Variants in LYPD5 observed in about 807,000 individuals in gnomAD.
LYPD5 encodes the protein ly6/PLAUR domain-containing protein 5.
Under a neutral mutation model 19.1 loss-of-function variants are expected in LYPD5, and 21 were observed. The observed-to-expected ratio is 1.10, with a 90% CI of 0.78 to 1.58. The LOEUF is 1.58. Ranked by LOEUF, LYPD5 falls within the 40% of genes most tolerant of loss-of-function variation. LYPD5 has a pLI of 0.00. For missense variants in LYPD5, 287 were observed against 329.8 expected (o/e 0.87, Z 1.00); for synonymous variants, 128 against 142.7 (o/e 0.90, Z 0.74).
upstream of LYPD5, chr19:43,802,552 TCCTCA>T: frequency 2.3e-6 from 1 of 436,190 alleles, no homozygotes; most frequent in Non-Finnish European, 4.0e-6. Flanking sequence ...AACAGGGTGA[TCCTCA>T]GTTGCTGGAG....
upstream of LYPD5, among the ~76,000 whole-genome samples, chr19:43,803,382 G>A (rs951784697): frequency 6.6e-6 from 1 of 152,234 alleles, no homozygotes; most frequent in East Asian, 1.9e-4. Context: ...GGTTGGTGCT[G>A]AGGCAGAGAC....
intron 1 of LYPD5, among the ~76,000 whole-genome samples, chr19:43,810,647 T>A (rs188857170): frequency 2.0e-5 from 3 of 148,650 alleles, no homozygotes; most frequent in African/African-American, 7.5e-5. Context: ...TTCTTTCTTT[T>A]TTTTGGACAG....
intron 1 of LYPD5, among the ~76,000 whole-genome samples, chr19:43,820,148 TAC>T (rs1233679512): frequency 1.3e-5 from 2 of 152,154 alleles, no homozygotes; most frequent in African/African-American, 2.4e-5. Context: ...TTTTGACACA[TAC>T]ACACAGTCTG....
rs111461643 is a variant in LYPD5 at position 43,816,032 on chromosome 19, C to CTCTATCTA, written c.-66+4500_-66+4507dup. 2.6e-3 allele frequency among the ~76,000 whole-genome samples: 386 copies of CTCTATCTA among 147,852 alleles called. 1 individual carries two copies. The highest frequency in any genetic ancestry group is 5.4e-3 in the African/African-American group (214 of 39,382). On this transcript the variant is annotated intron_variant, in intron 1 of 4. Transcript: ENST00000414615. ...TCCAGGTGTGAGCCACCACGCCCCACTCTATCTATCTATCTATCTATCTAT... is the reference window on the plus strand; with the variant it reads ...TCCAGGTGTGAGCCACCACGCCCCACTCTATCTATCTATCTATCTATCTATCTATCTAT...
At chr19:43,812,386 ATC>A (rs1395947617) in intron 1 of LYPD5, among the ~76,000 whole-genome samples, 4 of 88,048 alleles carry the variant, frequency 4.5e-5, no homozygotes, top group Non-Finnish European at 7.9e-5. Context: ...TCAATCTATC[ATC>A]TATCTATCCA....
At chr19:43,799,642 C>T in intron 2 of LYPD5, 64 bp downstream of exon 2, 1 of 1,506,910 alleles carries the variant, frequency 6.6e-7, no homozygotes, top group East Asian at 2.3e-5. Flanking sequence ...TCCCTTTCTG[C>T]TCCCCTCTCC....
chr19:43,809,008 T>G (rs1970295386), intron 1 of LYPD5, among the ~76,000 whole-genome samples: 1 of 152,200 alleles, frequency 6.6e-6, no homozygotes, highest in South Asian at 2.1e-4. Context: ...TTGTGGATGA[T>G]TAATGGTAAC....
intron 1 of LYPD5, among the ~76,000 whole-genome samples, chr19:43,815,028 T>C (rs1031748058): frequency 6.6e-6 from 1 of 152,200 alleles, no homozygotes; most frequent in Non-Finnish European, 1.5e-5. Context: ...AATTTTGCTT[T>C]TGTATCTTGC....
chr19:43,799,662 C>T (rs1422371649), intron 2 of LYPD5, 44 bp downstream of exon 2: 5 of 1,564,068 alleles, frequency 3.2e-6, no homozygotes, highest in Admixed American at 2.0e-5. Context: ...CCCCCTTTTT[C>T]CTCCCTAATC....
chr19:43,799,176 C>A, intron 2 of LYPD5, 188 bp from the exon 3 acceptor site: 1 of 633,182 alleles, frequency 1.6e-6, no homozygotes, highest in Non-Finnish European at 2.6e-6. Context: ...CCTCCCTGTG[C>A]GCCTCTCCCA....
chr19:43,805,320 C>T (rs1277358957), upstream of LYPD5, among the ~76,000 whole-genome samples: 1 of 152,086 alleles, frequency 6.6e-6, no homozygotes, highest in Non-Finnish European at 1.5e-5. Context: ...TCAAACAAGT[C>T]ATAATTGTAA....
chr19:43,802,552 T>A, upstream of LYPD5: 3 of 436,184 alleles, frequency 6.9e-6, no homozygotes, highest in Non-Finnish European at 1.2e-5. Context: ...AACAGGGTGA[T>A]CCTCAGTTGC....
chr19:43,798,390 T>C (rs1970166670), intron 4 of LYPD5, 65 bp downstream of exon 4: 1 of 1,576,726 alleles, frequency 6.3e-7, no homozygotes, highest in Admixed American at 1.7e-5. Flanking sequence ...CTGGTATCAC[T>C]ACCCTCATGG....
intron 1 of LYPD5, among the ~76,000 whole-genome samples, chr19:43,801,804 T>C (rs186430390): frequency 6.6e-6 from 1 of 152,358 alleles, no homozygotes; most frequent in Admixed American, 6.5e-5. Flanking sequence ...TGTGCAGGAA[T>C]AGCCTCCTTT....
intron 1 of LYPD5, among the ~76,000 whole-genome samples, chr19:43,819,617 G>A (rs1049137801): frequency 6.6e-6 from 1 of 152,054 alleles, no homozygotes; most frequent in African/African-American, 2.4e-5. Flanking sequence ...TTGGAAAAAA[G>A]GAGAACGTGT....
At chr19:43,812,360 T>TCTATCTAG (rs983632304) in intron 1 of LYPD5, among the ~76,000 whole-genome samples, 1 of 141,308 alleles carries the variant, frequency 7.1e-6, no homozygotes, top group African/African-American at 2.6e-5. Context: ...TATCTATCTA[T>TCTATCTAG]CTATCTATCT....
intron 1 of LYPD5, among the ~76,000 whole-genome samples, chr19:43,819,283 C>CTTTTTTTTTTTT (rs560659624): frequency 1.3e-4 from 14 of 110,524 alleles, no homozygotes; most frequent in East Asian, 2.6e-4. Flanking sequence ...TCTTCTTCTT[C>CTTTTTTTTTTTT]TTTTTTTTTT....
upstream of LYPD5, among the ~76,000 whole-genome samples, chr19:43,803,251 T>C (rs1281654986): frequency 6.6e-6 from 1 of 152,012 alleles, no homozygotes; most frequent in Admixed American, 6.6e-5. Flanking sequence ...ATGAATGAAA[T>C]CAAGAAGATG....
chr19:43,805,476 C>T (rs917124214), upstream of LYPD5, among the ~76,000 whole-genome samples: 1 of 152,110 alleles, frequency 6.6e-6, no homozygotes, highest in African/African-American at 2.4e-5. Context: ...TTGGATCATG[C>T]AGATTGTATG....
Sources: allele counts gnomAD v4.1 joint callset (sites outside exome capture counted in the v4.1 genomes callset), GRCh38; gene constraint gnomAD v4.1.1; transcripts MANE v1.5; gene names NCBI Gene and HGNC (gene_info 2026-07-23, HGNC 2026-07-21).